Variants in ARL8B observed in about 807,000 individuals in gnomAD.
ARL8B encodes ADP-ribosylation factor-like protein 8B.
Under a neutral mutation model 30.6 loss-of-function variants are expected in ARL8B, and 9 were observed. That is an observed-to-expected ratio of 0.29 (90% confidence interval 0.18 to 0.51). ARL8B has a LOEUF of 0.51. Among genes scored for constraint, ARL8B ranks in the 20% least tolerant of loss-of-function variants. The probability of loss-of-function intolerance (pLI) is 0.97; values close to 1 mark genes in which losing one functional copy is unlikely to be tolerated. For synonymous variants in ARL8B, 74 were observed against 76.0 expected (o/e 0.97, Z 0.14); for missense variants, 130 against 227.2 (o/e 0.57, Z 2.75).
At chr3:5,126,017 A>G (rs2054227294) in intron 1 of ARL8B, among the ~76,000 whole-genome samples, 2 of 152,192 alleles carry the variant, frequency 1.3e-5, no homozygotes, top group Admixed American at 1.3e-4. Context: ...TGATTTGTCA[A>G]TTAAAAGTAA....
At position 5,149,106 on chromosome 3, in the gene ARL8B, A is replaced by C. The variant is rs558865366; in HGVS notation, c.124-21397A>C. Among the ~76,000 whole-genome samples, 3 of 152,328 alleles carry C rather than the reference A, an allele frequency of 2.0e-5. No individual in the cohort carries two copies. The South Asian group carries it at 6.2e-4, about 32-fold the overall frequency. ...ACTCCGCACTTGCTTCATATCTAAG[A>C]TACATCTCAGTTGCACACACTTGAC... is the stretch of plus-strand genomic sequence containing the variant. On this transcript the variant is annotated intron_variant, in intron 1 of 6. Transcript: ENST00000256496.
intron 6 of ARL8B, among the ~76,000 whole-genome samples, chr3:5,174,702 ATATGTAATATG>A (rs1357983530): frequency 2.1e-5 from 3 of 143,798 alleles, no homozygotes; most frequent in Non-Finnish European, 4.5e-5. Flanking sequence ...TATGTAATAT[ATATGTAATATG>A]TATTATATAT....
intron 1 of ARL8B, among the ~76,000 whole-genome samples, chr3:5,152,173 A>C (rs1226253398): frequency 6.6e-6 from 1 of 152,252 alleles, no homozygotes; most frequent in Non-Finnish European, 1.5e-5. Context: ...CCTATCAATT[A>C]ACATGAGAGG....
chr3:5,160,725 A>G (rs1028844319), intron 1 of ARL8B, among the ~76,000 whole-genome samples: 12 of 152,144 alleles, frequency 7.9e-5, no homozygotes, highest in African/African-American at 2.4e-4. Context: ...CCCTGTAATA[A>G]AAACAATTAA....
chr3:5,177,110 T>C (rs2054736935), intron 6 of ARL8B, among the ~76,000 whole-genome samples: 2 of 152,246 alleles, frequency 1.3e-5, no homozygotes, highest in Admixed American at 1.3e-4. Context: ...TACAAACTAG[T>C]TGGATACTTC....
intron 6 of ARL8B, among the ~76,000 whole-genome samples, chr3:5,178,350 C>CTTTTTT (rs376669879): frequency 3.5e-5 from 4 of 115,290 alleles, no homozygotes; most frequent in Admixed American, 9.0e-5. Context: ...GGGGTTATTC[C>CTTTTTT]TTTTTTTTTT....
intron 1 of ARL8B, among the ~76,000 whole-genome samples, chr3:5,147,103 A>G (rs1031840437): frequency 6.6e-6 from 1 of 151,694 alleles, no homozygotes; most frequent in Non-Finnish European, 1.5e-5. Context: ...TACATGTGCC[A>G]TGTTGGTGTG....
chr3:5,145,747 T>C (rs1041826413), intron 1 of ARL8B, among the ~76,000 whole-genome samples: 1 of 152,208 alleles, frequency 6.6e-6, no homozygotes, highest in African/African-American at 2.4e-5. Flanking sequence ...CTTTTGAGCA[T>C]ATGACTTAAT....
chr3:5,122,534 G>C lies in ARL8B; in HGVS notation c.69G>C (p.Leu23=). The change falls in exon 1 of 7, where the codon CTG becomes CTC. Residue 23 remains leucine (L), a synonymous_variant. Transcript: ENST00000256496. ...RSLFWKEEME[L]TLVGLQYSGK... ...TCTTCTGGAAGGAAGAGATGGAGCT[G>C]ACGCTCGTGGGGCTGCAGTACTCGG... The C allele has an allele frequency of 6.2e-7, 1 of 1,613,050 alleles. No individual in the cohort carries two copies. Among genetic ancestry groups the C allele is most frequent in the South Asian group, 1.1e-5 (1 of 90,826 alleles).
intron 1 of ARL8B, 47 bp downstream of exon 1, chr3:5,122,635 C>T: frequency 6.4e-7 from 1 of 1,563,536 alleles, no homozygotes; most frequent in Non-Finnish European, 8.7e-7. Flanking sequence ...AGCCAGGAGT[C>T]CGGCCCGGCG....
At chr3:5,146,333 T>G (rs2054418465) in intron 1 of ARL8B, among the ~76,000 whole-genome samples, 1 of 152,218 alleles carries the variant, frequency 6.6e-6, no homozygotes, top group Non-Finnish European at 1.5e-5. Context: ...ATTTGATTTA[T>G]AGTCCTTAGA....
intron 1 of ARL8B, among the ~76,000 whole-genome samples, chr3:5,168,224 T>A (rs1384202309): frequency 6.6e-6 from 1 of 152,078 alleles, no homozygotes; most frequent in African/African-American, 2.4e-5. Flanking sequence ...CAGGTGCATA[T>A]AACCATGCCT....
chr3:5,156,832 C>T (rs2054537365), intron 1 of ARL8B: 1 of 152,368 alleles, frequency 6.6e-6, no homozygotes, highest in South Asian at 2.1e-4. Flanking sequence ...CAAGTGATCC[C>T]TGTCCCTGCC....
At chr3:5,165,888 C>G (rs983533343) in intron 1 of ARL8B, among the ~76,000 whole-genome samples, 3 of 152,148 alleles carry the variant, frequency 2.0e-5, no homozygotes, top group Admixed American at 6.5e-5. Context: ...TTTGAAAGCA[C>G]TAGAACATAT....
In ARL8B at chr3:5,150,327, G is replaced by A. The variant is rs554775447; in HGVS notation, c.124-20176G>A. 1.2e-4 allele frequency among the ~76,000 whole-genome samples: 18 copies of A among 152,054 alleles called. No homozygotes were observed. The South Asian group carries it at 3.3e-3, about 28-fold the overall frequency. On this transcript the variant is annotated intron_variant, in intron 1 of 6. Coordinates refer to ENST00000256496, the MANE Select transcript of ARL8B (RefSeq NM_018184.3). ...AAAATACAAAAATTAGCCAGGCGTG[G>A]TGGCACACGCCTGTAATCCCAGCTA...
chr3:5,170,600 C>A lies in ARL8B; in HGVS notation c.204+17C>A, dbSNP rs11922669. On this transcript the variant is annotated intron_variant, in intron 2 of 6. Transcript: ENST00000256496. ...ACAATAAAGGTAAGTTATTTCTTGC[C>A]GTACGCAATTTAAATTGTTAGCACA... is the stretch of plus-strand genomic sequence containing the variant. 9.5e-6 allele frequency: 15 copies of A among 1,584,084 alleles called. No individual in the cohort carries two copies. The East Asian group carries it at 2.0e-4, about 21-fold the overall frequency.
chr3:5,144,656 G>A (rs1451077233), intron 1 of ARL8B, among the ~76,000 whole-genome samples: 1 of 152,162 alleles, frequency 6.6e-6, no homozygotes, highest in Non-Finnish European at 1.5e-5. Context: ...TACTACCTTA[G>A]GGATGTCTGG....
At chr3:5,124,226 G>C (rs1275608251) in intron 1 of ARL8B, among the ~76,000 whole-genome samples, 5 of 148,398 alleles carry the variant, frequency 3.4e-5, no homozygotes, top group African/African-American at 9.9e-5. Flanking sequence ...CGCAGGAATA[G>C]AAGAGTGGAA....
At chr3:5,161,889 G>A (rs189135650) in intron 1 of ARL8B, among the ~76,000 whole-genome samples, 24 of 152,210 alleles carry the variant, frequency 1.6e-4, no homozygotes, top group African/African-American at 5.5e-4. Context: ...TATATTTATT[G>A]GGTGATATTT....
Sources: gnomAD v4.1 joint callset for allele counts (sites outside exome capture counted in the v4.1 genomes callset) on GRCh38, gnomAD v4.1.1 for gene constraint, MANE v1.5 for transcripts, NCBI Gene and HGNC (gene_info 2026-07-23, HGNC 2026-07-21) for gene names.